ADGB: variants seen among roughly 807,000 people sequenced by gnomAD.
The protein encoded by ADGB is calpain-7-like protein.
ADGB carries 172 observed loss-of-function variants against 210.5 expected under a neutral mutation model. The ratio of observed to expected loss-of-function variants is 0.82; its 90% CI spans 0.72 to 0.93. The LOEUF (loss-of-function observed/expected upper bound fraction) is 0.93. Among genes scored for constraint, ADGB ranks in the 40% least tolerant of loss-of-function variants. ADGB has a pLI of 0.00. For synonymous variants in ADGB, 658 were observed against 662.7 expected (o/e 0.99, Z 0.11); for missense variants, 2,025 against 1,964.8 (o/e 1.03, Z -0.58).
chr6:146,814,935 G>T, intron 35 of ADGB, 97 bp from the exon 36 acceptor site: 1 of 1,179,222 alleles, frequency 8.5e-7, no homozygotes, highest in Admixed American at 3.3e-5. Context: ...GAATGTGTGG[G>T]CGTAAGGACA....
At chr6:146,646,197 TC>T (rs1775608381) in intron 3 of ADGB, among the ~76,000 whole-genome samples, 1 of 152,018 alleles carries the variant, frequency 6.6e-6, no homozygotes, top group African/African-American at 2.4e-5. Flanking sequence ...TAGTATGTAT[TC>T]CCCCTTTCCT....
intron 1 of ADGB, among the ~76,000 whole-genome samples, chr6:146,611,987 G>C (rs963940041): frequency 8.5e-5 from 13 of 152,128 alleles, no homozygotes; most frequent in Admixed American, 8.5e-4. Context: ...TTAGTGGCCA[G>C]CATTACTTTG....
At chr6:146,703,018 CATTGA>C (rs1776514493) in intron 13 of ADGB, among the ~76,000 whole-genome samples, 1 of 151,750 alleles carries the variant, frequency 6.6e-6, no homozygotes, top group Non-Finnish European at 1.5e-5. Flanking sequence ...TTTGCTTTTC[CATTGA>C]ACTGGTTGTT....
At chr6:146,723,463 T>C (rs894815590) in intron 17 of ADGB, among the ~76,000 whole-genome samples, 24 of 152,306 alleles carry the variant, frequency 1.6e-4, no homozygotes, top group African/African-American at 5.3e-4. Flanking sequence ...AGGTTGGGCA[T>C]GGTGGCTCAC....
At chr6:146,600,301 T>A (rs1477651683) in intron 1 of ADGB, 2 of 223,208 alleles carry the variant, frequency 9.0e-6, no homozygotes, top group African/African-American at 4.7e-5. Context: ...TCAGGTCTTT[T>A]CAGCGTTGTC....
chr6:146,667,857 A>G (rs1170925163), intron 7 of ADGB, among the ~76,000 whole-genome samples: 2 of 152,044 alleles, frequency 1.3e-5, no homozygotes, highest in African/African-American at 2.4e-5. Context: ...AATCATCCAT[A>G]TGACCCCATC....
intron 1 of ADGB, among the ~76,000 whole-genome samples, chr6:146,603,881 A>T (rs1780595439): frequency 6.6e-6 from 1 of 152,202 alleles, no homozygotes; most frequent in African/African-American, 2.4e-5. Context: ...GAGAGAGATG[A>T]TCCAATGAAA....
intron 33 of ADGB, among the ~76,000 whole-genome samples, chr6:146,790,865 T>C (rs368743943): frequency 3.3e-4 from 50 of 152,288 alleles, no homozygotes; most frequent in African/African-American, 1.1e-3. Context: ...ATCTCTCATC[T>C]TTTTTTATAA....
chr6:146,756,595 TC>T (rs2114616599), intron 27 of ADGB, among the ~76,000 whole-genome samples: 2 of 152,258 alleles, frequency 1.3e-5, no homozygotes, highest in South Asian at 4.1e-4. Flanking sequence ...TCAAGTTTCT[TC>T]TGATTTTATT....
intron 2 of ADGB, among the ~76,000 whole-genome samples, chr6:146,636,341 A>AG (rs1192215201): frequency 6.6e-6 from 1 of 152,090 alleles, no homozygotes; most frequent in Admixed American, 6.6e-5. Flanking sequence ...TGTTCACAAA[A>AG]GATTGTATCA....
At chr6:146,736,634 T>C (rs1016053305) in intron 23 of ADGB, 43 bp downstream of exon 23, 1 of 1,372,204 alleles carries the variant, frequency 7.3e-7, no homozygotes, top group Non-Finnish European at 1.0e-6. Context: ...ATATTGTCCT[T>C]TTGTCAAAGT....
chr6:146,641,780 A>C (rs1344798917), intron 2 of ADGB, among the ~76,000 whole-genome samples: 3 of 152,022 alleles, frequency 2.0e-5, no homozygotes, highest in African/African-American at 7.2e-5. Flanking sequence ...ACTTAAATGT[A>C]ACACCCAAAA....
intron 1 of ADGB, among the ~76,000 whole-genome samples, chr6:146,629,809 A>G (rs1781032551): frequency 6.6e-6 from 1 of 152,020 alleles, no homozygotes; most frequent in African/African-American, 2.4e-5. Flanking sequence ...AGTCATCCTT[A>G]CTCCTTTATA....
At chr6:146,635,633 T>C (rs943863688) in intron 2 of ADGB, 96 bp downstream of exon 2, 30 of 1,263,494 alleles carry the variant, frequency 2.4e-5, no homozygotes, top group Admixed American at 3.4e-5. Flanking sequence ...TTCTTCTCCA[T>C]AATGTGCATT....
intron 9 of ADGB, among the ~76,000 whole-genome samples, chr6:146,681,196 T>C (rs1230873419): frequency 1.3e-5 from 2 of 152,128 alleles, no homozygotes; most frequent in African/African-American, 4.8e-5. Flanking sequence ...TGAAGGCAGA[T>C]CCCTCATGGC....
chr6:146,609,340 T>C lies in ADGB; in HGVS notation c.74+10226T>C, dbSNP rs185337442. ...CTTCTTTGTCCAACTTACCACTCTG[T>C]GCCTTTTAAGTGGGGTGTTTAGCCC... On this transcript the variant is annotated intron_variant, in intron 1 of 35. Transcript: ENST00000397944. 1.2e-4 allele frequency among the ~76,000 whole-genome samples: 18 copies of C among 152,306 alleles called. 1 individual carries two copies. The East Asian group carries it at 2.9e-3, about 25-fold the overall frequency.
Position 146,644,777 on chromosome 6 carries a change from T to C in ADGB, c.242T>C (p.Phe81Ser), listed in dbSNP as rs1487060950. ...DKTGKSPVFH[F>S]FEDPEGKIEL... ...ACTCAATTTATTTTTATATAGCATT[T>C]TTTTGAGGACCCTGAAGGAAAGATT... Residue 81 changes from phenylalanine (F) to serine (S), a missense_variant, in exon 3 of 36, where the codon TTT becomes TCT. Phe to Ser is a radical substitution (Grantham distance 155). Coordinates refer to ENST00000397944, the MANE Select transcript of ADGB (RefSeq NM_024694.4). 1.4e-6 allele frequency: 2 copies of C among 1,454,124 alleles called. No individual in the cohort carries two copies. Among genetic ancestry groups the C allele is most frequent in the South Asian group, 3.0e-5 (2 of 66,012 alleles). 90.1% of individuals were successfully genotyped at this position (1,454,124 alleles called of 1,614,324 possible).
chr6:146,699,915 T>C (rs960723637), intron 12 of ADGB, among the ~76,000 whole-genome samples: 1 of 152,188 alleles, frequency 6.6e-6, no homozygotes, highest in Non-Finnish European at 1.5e-5. Flanking sequence ...CTTTCAGCTG[T>C]ATTACTTGAT....
At chr6:146,763,825 G>A (rs1355551488) in intron 27 of ADGB, 76 bp from the exon 28 acceptor site, 4 of 1,254,590 alleles carry the variant, frequency 3.2e-6, no homozygotes, top group South Asian at 1.6e-5. Context: ...TTTTATAAAG[G>A]AATGTAACTG....
Sources: allele counts gnomAD v4.1 joint callset (sites outside exome capture counted in the v4.1 genomes callset), GRCh38; gene constraint gnomAD v4.1.1; transcripts MANE v1.5; gene names NCBI Gene and HGNC (gene_info 2026-07-23, HGNC 2026-07-21).